The following PHF14 variants were observed in gnomAD, a reference collection of about 807,000 sequenced individuals.
PHF14 encodes the protein PHD finger protein 14.
A neutral mutation model predicts 117.9 loss-of-function variants in PHF14; 55 were observed. The ratio of observed to expected loss-of-function variants is 0.47; its 90% CI spans 0.38 to 0.58. The LOEUF (loss-of-function observed/expected upper bound fraction) is 0.58, where lower values mean the gene tolerates loss of function less well. PHF14 is among the 20% of genes least tolerant of loss of function. PHF14 has a pLI of 0.00. For missense variants in PHF14, 978 were observed against 1,122.2 expected (o/e 0.87, Z 1.84); for synonymous variants, 409 against 368.6 (o/e 1.11, Z -1.26).
At chr7:11,162,309 C>G (rs1789070456) in intron 17 of PHF14, among the ~76,000 whole-genome samples, 1 of 152,044 alleles carries the variant, frequency 6.6e-6, no homozygotes, top group African/African-American at 2.4e-5. Flanking sequence ...AGGCTGGTCT[C>G]AAACTCCTGG....
At chr7:11,104,553 A>T in intron 16 of PHF14, 7 of 981,808 alleles carry the variant, frequency 7.1e-6, no homozygotes, top group Non-Finnish European at 8.5e-6. Flanking sequence ...CAGGTAAATG[A>T]TAGTTGTTTA....
At chr7:11,131,550 C>T (rs62440512) in intron 17 of PHF14, among the ~76,000 whole-genome samples, 6 of 151,650 alleles carry the variant, frequency 4.0e-5, no homozygotes, top group Admixed American at 6.6e-5. Flanking sequence ...AATGCCAGTC[C>T]TTTATCAGAT....
rs534387005 is a variant in PHF14, at chr7:11,029,719, A to G, written c.1455+901A>G. 6.6e-5 allele frequency among the ~76,000 whole-genome samples: 10 copies of G among 152,232 alleles called. No individual in the cohort carries two copies. The South Asian group carries it at 1.7e-3, about 25-fold the overall frequency. ...CATAAACCCTTTGGAGTCCTCAGTAATTTTTAAGAATGTTAACAAATTGTG... is the reference window on the plus strand; with the variant it reads ...CATAAACCCTTTGGAGTCCTCAGTAGTTTTTAAGAATGTTAACAAATTGTG... On this transcript the variant is annotated intron_variant, in intron 7 of 17. Coordinates refer to ENST00000634607, the MANE Select transcript of PHF14 (RefSeq NM_001007157.2).
At chr7:11,076,879 T>G (rs1365495862) in intron 16 of PHF14, among the ~76,000 whole-genome samples, 1 of 105,034 alleles carries the variant, frequency 9.5e-6, no homozygotes, top group Non-Finnish European at 1.9e-5. Flanking sequence ...TCAAATATGG[T>G]TTTTTTTTTT....
At chr7:10,977,855 G>A (rs968614642) in intron 2 of PHF14, among the ~76,000 whole-genome samples, 4 of 152,170 alleles carry the variant, frequency 2.6e-5, no homozygotes, top group Admixed American at 2.6e-4. Context: ...CCTAGTTAAA[G>A]TGTTGATATT....
At chr7:11,166,651 C>T (rs1789209162) in intron 17 of PHF14, among the ~76,000 whole-genome samples, 3 of 152,084 alleles carry the variant, frequency 2.0e-5, no homozygotes, top group Non-Finnish European at 2.9e-5. Context: ...AATGTTATAG[C>T]AATTTTAATA....
intron 6 of PHF14, among the ~76,000 whole-genome samples, chr7:11,025,294 A>G (rs1167075777): frequency 2.9e-4 from 44 of 152,216 alleles, no homozygotes; most frequent in Non-Finnish European, 5.9e-5. Context: ...TGAAGATGCT[A>G]TGAACATTGT....
At chr7:11,012,653 G>T (rs147750036) in intron 4 of PHF14, among the ~76,000 whole-genome samples, 94 of 152,304 alleles carry the variant, frequency 6.2e-4, no homozygotes, top group African/African-American at 2.0e-3. Flanking sequence ...TATCTTGTCT[G>T]TTGGGTGTGT....
chr7:11,088,034 A>G (rs1012448302), intron 16 of PHF14, among the ~76,000 whole-genome samples: 3 of 152,154 alleles, frequency 2.0e-5, no homozygotes, highest in Non-Finnish European at 2.9e-5. Context: ...CAGAGTTATC[A>G]TTATTACAGT....
At chr7:11,116,043 CTA>C (rs1267600293) in intron 17 of PHF14, among the ~76,000 whole-genome samples, 1 of 151,952 alleles carries the variant, frequency 6.6e-6, no homozygotes, top group East Asian at 1.9e-4. Context: ...AACCTTGAGA[CTA>C]TGTAAAAATA....
chr7:11,136,725 G>A (rs936138123), intron 17 of PHF14, among the ~76,000 whole-genome samples: 1 of 152,084 alleles, frequency 6.6e-6, no homozygotes, highest in Admixed American at 6.6e-5. Flanking sequence ...TGAATAAACA[G>A]ATGTATATAA....
intron 16 of PHF14, chr7:11,109,923 T>G (rs1478472471): frequency 2.6e-5 from 4 of 151,930 alleles, no homozygotes; most frequent in African/African-American, 4.8e-5. Context: ...ATTTTATTCA[T>G]AAGGAGAAAG....
chr7:11,026,126 AAGAG>A (rs1212467339), intron 6 of PHF14, among the ~76,000 whole-genome samples: 14 of 150,624 alleles, frequency 9.3e-5, no homozygotes, highest in South Asian at 4.2e-4. Context: ...AAAAAAAAAA[AAGAG>A]AGAGAAATTG....
rs149654636 is a variant in PHF14, at chr7:11,079,404, A to G, written c.2654+17319A>G. On this transcript the variant is annotated intron_variant, in intron 16 of 17. Coordinates refer to ENST00000634607, the MANE Select transcript of PHF14 (RefSeq NM_001007157.2). Reference sequence around the variant, plus strand: ...AATGCCATAATCTTTCAAATGCCACATTAAACCTAGAGGAAAAAGCCATTC... The same window carrying G: ...AATGCCATAATCTTTCAAATGCCACGTTAAACCTAGAGGAAAAAGCCATTC... Among the ~76,000 whole-genome samples the G allele has an allele frequency of 2.6e-4, 39 of 152,314 alleles. No homozygotes were observed. The East Asian group carries it at 3.3e-3, about 13-fold the overall frequency.
chr7:11,006,828 C>T (rs1783122063), intron 4 of PHF14: 3 of 737,572 alleles, frequency 4.1e-6, no homozygotes, highest in South Asian at 4.0e-5. Flanking sequence ...TTGGCTTCAG[C>T]TTTAGGAGGG....
chr7:11,073,830 C>T (rs1471961105), intron 16 of PHF14, among the ~76,000 whole-genome samples: 8 of 152,172 alleles, frequency 5.3e-5, no homozygotes, highest in African/African-American at 1.9e-4. Flanking sequence ...TTCTGTGCAC[C>T]TGGAGGCTTA....
At chr7:11,088,864 A>G (rs1007714479) in intron 16 of PHF14, among the ~76,000 whole-genome samples, 4 of 152,150 alleles carry the variant, frequency 2.6e-5, no homozygotes, top group Admixed American at 6.5e-5. Flanking sequence ...AGATATTTAC[A>G]TAGGAATGAG....
chr7:11,102,424 T>C (rs990229989), intron 16 of PHF14: 3 of 1,569,950 alleles, frequency 1.9e-6, no homozygotes, highest in Admixed American at 3.5e-5. Flanking sequence ...TCATAAGACA[T>C]AGTGCAGAGC....
chr7:11,026,496 A>G (rs1783915578), intron 6 of PHF14, among the ~76,000 whole-genome samples: 1 of 152,130 alleles, frequency 6.6e-6, no homozygotes, highest in African/African-American at 2.4e-5. Context: ...TTATTTGAGC[A>G]TTAACAGATG....
Sources: gnomAD v4.1 joint callset for allele counts (sites outside exome capture counted in the v4.1 genomes callset) on GRCh38, gnomAD v4.1.1 for gene constraint, MANE v1.5 for transcripts, NCBI Gene and HGNC (gene_info 2026-07-23, HGNC 2026-07-21) for gene names.